ZNF227: variants seen among roughly 807,000 people sequenced by gnomAD.
ZNF227 encodes zinc finger protein 227.
A neutral mutation model predicts 13.2 loss-of-function variants in ZNF227; 12 were observed. The observed-to-expected ratio is 0.91, with a 90% confidence interval of 0.58 to 1.47. The LOEUF (loss-of-function observed/expected upper bound fraction) is 1.47, where lower values mean the gene tolerates loss of function less well. Among genes scored for constraint, ZNF227 ranks in the 40% most tolerant of loss-of-function variants. The pLI is 0.00. For synonymous variants in ZNF227, 338 were observed against 326.0 expected (o/e 1.04, Z -0.40); for missense variants, 885 against 967.5 (o/e 0.91, Z 1.13).
chr19:44,214,502 C>T (rs1231774139), intron 2 of ZNF227, among the ~76,000 whole-genome samples: 1 of 151,988 alleles, frequency 6.6e-6, no homozygotes, highest in Non-Finnish European at 1.5e-5. Context: ...CATCAAGCTC[C>T]CGAGTAACTG....
intron 3 of ZNF227, among the ~76,000 whole-genome samples, chr19:44,221,187 T>G (rs1023091618): frequency 2.0e-5 from 3 of 152,058 alleles, no homozygotes; most frequent in African/African-American, 7.2e-5. Flanking sequence ...CCATAAAAAA[T>G]GATGAGTTCA....
chr19:44,234,161 C>A (rs756031328), intron 5 of ZNF227, among the ~76,000 whole-genome samples: 2 of 152,188 alleles, frequency 1.3e-5, no homozygotes, highest in Non-Finnish European at 2.9e-5. Flanking sequence ...ATTAGCTTTC[C>A]CTTTTCCACT....
At position 44,231,114 on chromosome 19, in the gene ZNF227, A is replaced by T. The variant is rs532672376; in HGVS notation, c.271+1298A>T. On this transcript the variant is annotated intron_variant, in intron 5 of 5. Transcript: ENST00000313040. ...AATTAGATATTCCTAGATGATGTGA[A>T]TTTTTTTTTTTTTTGAGACCGAGTC... 5.6e-5 allele frequency among the ~76,000 whole-genome samples: 8 copies of T among 141,986 alleles called. No individual in the cohort carries two copies. In the Admixed American group the frequency reaches 5.7e-4, roughly 10 times the overall value. The allele number at this position is 141,986 out of a possible 152,430, so 93.1% of individuals were successfully genotyped here.
Position 44,237,031 on chromosome 19 carries a change from C to CT in ZNF227, c.*202dup. The CT allele has an allele frequency of 2.0e-6, 1 of 511,538 alleles. No individual in the cohort carries two copies. Among genetic ancestry groups the CT allele is most frequent in the East Asian group, 3.1e-5 (1 of 32,504 alleles). The allele number at this position is 511,538 out of a possible 1,614,324, so 31.7% of individuals were successfully genotyped here. A position where few individuals can be genotyped will look rare whatever the true frequency, so the allele number is the denominator to read the frequency against. ...ACTCGTATTTAGGGGAGAAATAGGG[C>CT]TGGTGGCTCTCTTGGTAAGATCTAG... is the stretch of plus-strand genomic sequence containing the variant. On this transcript the variant is annotated 3_prime_UTR_variant, in exon 6 of 6. Coordinates refer to ENST00000313040, the MANE Select transcript of ZNF227 (RefSeq NM_182490.3).
chr19:44,220,567 C>G (rs1351313668), intron 3 of ZNF227, among the ~76,000 whole-genome samples: 1 of 152,122 alleles, frequency 6.6e-6, no homozygotes, highest in African/African-American at 2.4e-5. Flanking sequence ...CCCTCTCACC[C>G]AGCCCCATGT....
Position 44,236,648 on chromosome 19 carries a change from A to AG in ZNF227, c.2221dup (p.Glu741GlyfsTer5). 6.2e-7 allele frequency: 1 copy of AG among 1,613,504 alleles called. No individual in the cohort carries two copies. Among genetic ancestry groups the AG allele is most frequent in the Non-Finnish European group, 8.5e-7 (1 of 1,179,844 alleles). ...TCGAGTCCACCTGGGTGTTCACACC[A>AG]GGGAAAAACTCTTTAAATGTGAAGA... On this transcript the variant is annotated frameshift_variant, in exon 6 of 6. Transcript: ENST00000313040. LOFTEE classifies it low-confidence loss of function (END_TRUNC).
intron 3 of ZNF227, among the ~76,000 whole-genome samples, chr19:44,218,734 T>G (rs945137640): frequency 6.6e-6 from 1 of 152,226 alleles, no homozygotes; most frequent in African/African-American, 2.4e-5. Flanking sequence ...GAACATTTTA[T>G]AACTGCCCCA....
intron 2 of ZNF227, chr19:44,213,717 G>GCTACC (rs796356686): frequency 1.1e-3 from 173 of 152,160 alleles, no homozygotes; most frequent in African/African-American, 4.0e-3. Context: ...AATCCATATG[G>GCTACC]CTACCGGTGA....
chr19:44,215,814 C>T (rs1284627602), intron 2 of ZNF227, among the ~76,000 whole-genome samples: 1 of 151,658 alleles, frequency 6.6e-6, no homozygotes, highest in Non-Finnish European at 1.5e-5. Context: ...ATGATGAAAC[C>T]CCGTCTGTAC....
intron 3 of ZNF227, among the ~76,000 whole-genome samples, chr19:44,225,680 C>CAA (rs1973053916): frequency 6.6e-6 from 1 of 152,076 alleles, no homozygotes; most frequent in Admixed American, 6.6e-5. Flanking sequence ...AAATTTTTTT[C>CAA]AAAGTTTTTA....
intron 5 of ZNF227, among the ~76,000 whole-genome samples, chr19:44,230,926 A>AATAC (rs1555792169): frequency 1.3e-4 from 9 of 68,134 alleles, no homozygotes; most frequent in Non-Finnish European, 2.1e-4. Flanking sequence ...AAAAAAAAAA[A>AATAC]ATATATATAT....
intron 4 of ZNF227, 91 bp downstream of exon 4, chr19:44,228,663 G>A (rs1376612054): frequency 7.5e-7 from 1 of 1,339,000 alleles, no homozygotes; most frequent in East Asian, 2.7e-5. Context: ...TTTTAAAATG[G>A]TTCTTTGCTC....
intron 3 of ZNF227, among the ~76,000 whole-genome samples, chr19:44,223,815 T>C: frequency 6.6e-6 from 1 of 152,226 alleles, no homozygotes; most frequent in East Asian, 1.9e-4. Flanking sequence ...AGCTTTTGAA[T>C]GTGTTAGCTC....
chr19:44,216,251 G>T, intron 2 of ZNF227, among the ~76,000 whole-genome samples: 1 of 150,522 alleles, frequency 6.6e-6, no homozygotes, highest in African/African-American at 2.4e-5. Context: ...TCTTTCTCAT[G>T]TAAATAATCA....
chr19:44,226,056 G>GCAGCGGTGGCTGCAGAA (rs776197649), intron 3 of ZNF227, among the ~76,000 whole-genome samples: 1 of 152,216 alleles, frequency 6.6e-6, no homozygotes, highest in African/African-American at 2.4e-5. Context: ...CTGGGTATCA[G>GCAGCGGTGGCTGCAGAA]CAGCGGTGGC....
rs747690647 is a variant in ZNF227 at position 44,235,638 on chromosome 19, G to A, written c.1208G>A (p.Arg403Lys). 1.9e-6 allele frequency: 3 copies of A among 1,613,636 alleles called. No homozygotes were observed. Among genetic ancestry groups the A allele is most frequent in the Non-Finnish European group, 2.5e-6 (3 of 1,179,862 alleles). Reference protein sequence around the residue: ...VNLRVHQRVHRGEKPYKCEEC... With the variant: ...VNLRVHQRVHKGEKPYKCEEC... ...CTCCGTGTTCACCAGAGGGTCCACAGGGGTGAGAAGCCCTATAAATGTGAG... is the reference window on the plus strand; with the variant it reads ...CTCCGTGTTCACCAGAGGGTCCACAAGGGTGAGAAGCCCTATAAATGTGAG... The change falls in exon 6 of 6, where the codon AGG becomes AAG. Residue 403 changes from arginine (R) to lysine (K), a missense_variant. Coordinates refer to ENST00000313040, the MANE Select transcript of ZNF227 (RefSeq NM_182490.3).
intron 3 of ZNF227, among the ~76,000 whole-genome samples, chr19:44,220,383 T>C (rs1972365071): frequency 6.6e-6 from 1 of 152,194 alleles, no homozygotes; most frequent in African/African-American, 2.4e-5. Context: ...TGAACTAGTT[T>C]ACAGTCCCAC....
chr19:44,210,728 C>T (rs1971323667), upstream of ZNF227, among the ~76,000 whole-genome samples: 1 of 152,186 alleles, frequency 6.6e-6, no homozygotes, highest in Non-Finnish European at 1.5e-5. Context: ...GAAACAGCAT[C>T]TGGAAAATTC....
At chr19:44,228,155 C>T (rs1291602195) in intron 3 of ZNF227, 20 of 223,710 alleles carry the variant, frequency 8.9e-5, no homozygotes, top group Middle Eastern at 1.6e-3. Flanking sequence ...CTCTTGAACC[C>T]GGGAGGCGGA....
Sources: allele counts gnomAD v4.1 joint callset (sites outside exome capture counted in the v4.1 genomes callset), GRCh38; gene constraint gnomAD v4.1.1; transcripts MANE v1.5; gene names NCBI Gene and HGNC (gene_info 2026-07-23, HGNC 2026-07-21).